Variants in SSB observed in about 807,000 individuals in gnomAD.
SSB encodes the protein small RNA binding exonuclease protection factor La.
A neutral mutation model predicts 52.9 loss-of-function variants in SSB; 17 were observed. The observed-to-expected ratio is 0.32, with a 90% CI of 0.22 to 0.48. The LOEUF is 0.48. Among genes scored for constraint, SSB ranks in the 20% least tolerant of loss-of-function variants. The probability of loss-of-function intolerance (pLI) is 0.99; values close to 1 mark genes in which losing one functional copy is unlikely to be tolerated. For synonymous variants in SSB, 111 were observed against 152.1 expected (o/e 0.73, Z 1.99); for missense variants, 314 against 463.6 (o/e 0.68, Z 2.96).
intron 1 of SSB, among the ~76,000 whole-genome samples, chr2:169,799,790 A>G (rs570701938): frequency 2.0e-5 from 3 of 152,226 alleles, no homozygotes; most frequent in Non-Finnish European, 2.9e-5. Flanking sequence ...ATCGAATGCA[A>G]TTGCAGTGTG....
intron 2 of SSB, among the ~76,000 whole-genome samples, 198 bp downstream of exon 2, chr2:169,801,224 A>G (rs574899530): frequency 1.7e-4 from 26 of 151,862 alleles, no homozygotes; most frequent in Admixed American, 5.9e-4. Context: ...AAAAGGTAAC[A>G]CTATAAACTA....
chr2:169,800,027 A>G lies in SSB; in HGVS notation c.-9-925A>G, dbSNP rs114088159. On this transcript the variant is annotated intron_variant, in intron 1 of 11. Transcript: ENST00000260956. ...TCATTGCAGTGCTAATGTCAGGAAT[A>G]CGAAACAGGAAACTGGCTATCCAAT... Among the ~76,000 whole-genome samples the G allele has an allele frequency of 3.8e-3, 573 of 152,342 alleles. 1 individual carries two copies. The highest frequency in any genetic ancestry group is 0.013 in the African/African-American group (556 of 41,570).
At chr2:169,808,581 A>G (rs1473687059) in intron 7 of SSB, 28 bp downstream of exon 7, 1 of 1,571,778 alleles carries the variant, frequency 6.4e-7, no homozygotes, top group East Asian at 2.2e-5. Context: ...ATCACGACAT[A>G]ATTTGAATTC....
intron 2 of SSB, among the ~76,000 whole-genome samples, chr2:169,801,509 G>GTTTTTTTTTTTTTTTTTT (rs79940369): frequency 1.4e-5 from 1 of 73,666 alleles, no homozygotes; most frequent in Non-Finnish European, 2.5e-5. Flanking sequence ...CTTTAATATA[G>GTTTTTTTTTTTTTTTTTT]TTTTTTTTTT....
Position 169,806,898 on chromosome 2 carries a change from A to G in SSB, c.453+6A>G. On this transcript the variant is annotated splice_donor_region_variant and intron_variant, in intron 5 of 11. Transcript: ENST00000260956. ...CATTGCATAAAGCATTTAAGGTATG[A>G]TAATACAGACTTTTTCTAGTTTTAA... 6.2e-7 allele frequency: 1 copy of G among 1,610,084 alleles called. No individual in the cohort carries two copies. Among genetic ancestry groups the G allele is most frequent in the East Asian group, 2.2e-5 (1 of 44,776 alleles).
intron 8 of SSB, 69 bp from the exon 9 acceptor site, chr2:169,810,214 T>G: frequency 8.1e-7 from 1 of 1,228,186 alleles, no homozygotes; most frequent in Non-Finnish European, 1.1e-6. Flanking sequence ...AGCTATAAGG[T>G]GGTGTGAGTC....
Position 169,811,934 on chromosome 2 carries a change from GTTCTGTTTGTGTTAT to G in SSB, c.*182_*196del. The G allele has an allele frequency of 6.7e-7, 1 of 1,487,018 alleles. No homozygotes were observed. The highest frequency in any genetic ancestry group is 2.3e-5 in the East Asian group (1 of 44,130). 92.1% of individuals were successfully genotyped at this position (1,487,018 alleles called of 1,614,324 possible). On this transcript the variant is annotated 3_prime_UTR_variant, in exon 12 of 12. Coordinates refer to ENST00000260956, the MANE Select transcript of SSB (RefSeq NM_003142.5). ...CAAATGAGATTTCTTTGAATGTATT[GTTCTGTTTGTGTTAT>G]TTCAGATGATTCAAATATCAAAAGG... is the stretch of plus-strand genomic sequence containing the variant.
Position 169,809,093 on chromosome 2 carries a change from G to A in SSB, c.669+191G>A, listed in dbSNP as rs908029827. The A allele has an allele frequency of 5.0e-6, 3 of 605,412 alleles. No individual in the cohort carries two copies. In the African/African-American group the frequency reaches 5.5e-5, roughly 11 times the overall value. 37.5% of individuals were successfully genotyped at this position (605,412 alleles called of 1,614,324 possible). A position where few individuals can be genotyped will look rare whatever the true frequency, so the allele number is the denominator to read the frequency against. Reference sequence around the variant, plus strand: ...GGATAGGAAATATGTTCTAAAATATGGAAAAGGCCGGGTGCAGTGGCCCAC... The same window carrying A: ...GGATAGGAAATATGTTCTAAAATATAGAAAAGGCCGGGTGCAGTGGCCCAC... On this transcript the variant is annotated intron_variant, in intron 8 of 11. Coordinates refer to ENST00000260956, the MANE Select transcript of SSB (RefSeq NM_003142.5).
intron 4 of SSB, 38 bp from the exon 5 acceptor site, chr2:169,806,747 T>TTA (rs1558971225): frequency 1.2e-5 from 18 of 1,482,262 alleles, no homozygotes; most frequent in Non-Finnish European, 1.7e-5. Flanking sequence ...TGAGAAGTCA[T>TTA]TATTTGTTAT....
At chr2:169,806,146 T>C (rs2105700743) in intron 4 of SSB, 1 of 331,254 alleles carries the variant, frequency 3.0e-6, no homozygotes. Flanking sequence ...AAAAATTTTT[T>C]GTAGAGACGG....
intron 8 of SSB, among the ~76,000 whole-genome samples, chr2:169,809,577 T>C (rs1403865736): frequency 1.3e-5 from 2 of 152,122 alleles, no homozygotes; most frequent in Non-Finnish European, 2.9e-5. Context: ...AAGTTACAGG[T>C]AAAAATTTTT....
chr2:169,803,966 T>C (rs574320612), intron 2 of SSB, among the ~76,000 whole-genome samples: 35 of 152,316 alleles, frequency 2.3e-4, no homozygotes, highest in Admixed American at 1.2e-3. Context: ...GTCGAACTTC[T>C]GGCCTCAAGA....
At chr2:169,799,409 T>C (rs1206980054) in intron 1 of SSB, 2 of 151,366 alleles carry the variant, frequency 1.3e-5, no homozygotes, top group Non-Finnish European at 2.9e-5. Context: ...CCTATGGGAC[T>C]GACTGGAGGC....
At chr2:169,806,927 A>C in intron 5 of SSB, 35 bp downstream of exon 5, 1 of 1,609,356 alleles carries the variant, frequency 6.2e-7, no homozygotes, top group East Asian at 2.2e-5. Context: ...GTTTTAAAAT[A>C]TATGGGACAT....
intron 2 of SSB, among the ~76,000 whole-genome samples, chr2:169,804,736 G>T (rs1441355465): frequency 3.3e-5 from 5 of 152,070 alleles, no homozygotes; most frequent in Admixed American, 3.3e-4. Context: ...AGTAGAGACG[G>T]GGTTTGACCA....
Position 169,811,261 on chromosome 2 carries a change from G to C in SSB, c.1076G>C (p.Gly359Ala). 4 of 1,610,076 alleles carry C rather than the reference G, an allele frequency of 2.5e-6. No homozygotes were observed. The highest frequency in any genetic ancestry group is 3.4e-6 in the Non-Finnish European group (4 of 1,179,198). ...GGTAAAGGAAAAGTACAGTTTCAGG[G>C]CAAGAAAACGAAATTTGCTAGTGAT... is the stretch of plus-strand genomic sequence containing the variant. ...GSGKGKVQFQ[G>A]KKTKFASDDE... Residue 359 changes from glycine to alanine, a missense_variant, in exon 11 of 12, where the codon GGC becomes GCC. Transcript: ENST00000260956.
intron 1 of SSB, among the ~76,000 whole-genome samples, chr2:169,800,419 C>T (rs910664278): frequency 2.6e-5 from 4 of 151,358 alleles, no homozygotes; most frequent in African/African-American, 9.7e-5. Flanking sequence ...CGCCTGTAAT[C>T]CCAGCTACTC....
Position 169,805,852 on chromosome 2 carries a change from GT to G in SSB, c.345+14del, listed in dbSNP as rs1284526396. 1 of 1,603,188 alleles carries G rather than the reference GT, an allele frequency of 6.2e-7. No homozygotes were observed. Among genetic ancestry groups the G allele is most frequent in the Non-Finnish European group, 8.5e-7 (1 of 1,174,036 alleles). The stretch of plus-strand genomic sequence containing the variant: ...ATCTGTTTATATTGTAAGTGGGCCT[GT>G]AATGCATTTAAATATCTTACATTTA... On this transcript the variant is annotated intron_variant, in intron 4 of 11. Coordinates refer to ENST00000260956, the MANE Select transcript of SSB (RefSeq NM_003142.5).
At chr2:169,806,657 CAA>C (rs1379421383) in intron 4 of SSB, 126 bp from the exon 5 acceptor site, 1 of 707,732 alleles carries the variant, frequency 1.4e-6, no homozygotes, top group Non-Finnish European at 2.3e-6. Flanking sequence ...AAGTGATTAA[CAA>C]AGAGAAATAG....
Sources: gnomAD v4.1 joint callset for allele counts (sites outside exome capture counted in the v4.1 genomes callset) on GRCh38, gnomAD v4.1.1 for gene constraint, MANE v1.5 for transcripts, NCBI Gene and HGNC (gene_info 2026-07-23, HGNC 2026-07-21) for gene names.